The following PRELID2 variants were observed in gnomAD, a reference collection of about 807,000 sequenced individuals.
The protein encoded by PRELID2 is PRELI domain-containing protein 2.
In PRELID2, 25 loss-of-function variants were observed where a neutral mutation model predicts 28.4. The observed-to-expected ratio is 0.88, with a 90% CI of 0.64 to 1.23. The LOEUF (loss-of-function observed/expected upper bound fraction) is 1.23, where lower values mean the gene tolerates loss of function less well. Among genes scored for constraint, PRELID2 ranks in the 50% most tolerant of loss-of-function variants. The pLI is 0.00. For missense variants in PRELID2, 201 were observed against 214.4 expected (o/e 0.94, Z 0.39); for synonymous variants, 76 against 71.6 (o/e 1.06, Z -0.31).
At chr5:145,577,112 T>C (rs1306073217) in intron 1 of PRELID2, among the ~76,000 whole-genome samples, 1 of 152,096 alleles carries the variant, frequency 6.6e-6, no homozygotes, top group East Asian at 1.9e-4. Context: ...TTACAGAGCA[T>C]CTCAGACAAA....
intron 1 of PRELID2, among the ~76,000 whole-genome samples, chr5:145,741,651 AAT>A (rs1479674689): frequency 4.2e-5 from 1 of 23,682 alleles, no homozygotes; most frequent in Non-Finnish European, 9.3e-5. Flanking sequence ...TTTATATATA[AAT>A]AATTTATTTA....
At chr5:145,297,581 C>A in the PRELID2 span, among the ~76,000 whole-genome samples, 1 of 152,024 alleles carries the variant, frequency 6.6e-6, no homozygotes, top group African/African-American at 2.4e-5. Flanking sequence ...CCCTCTCTCA[C>A]CACTCCTATT....
At chr5:145,550,851 G>T (rs997672227) in intron 1 of PRELID2, among the ~76,000 whole-genome samples, 4 of 151,928 alleles carry the variant, frequency 2.6e-5, no homozygotes, top group African/African-American at 9.7e-5. Context: ...TTTCTTAAAA[G>T]AATATTAACA....
intron 1 of PRELID2, among the ~76,000 whole-genome samples, chr5:145,584,693 C>T (rs1228695606): frequency 1.3e-5 from 2 of 152,118 alleles, no homozygotes; most frequent in African/African-American, 4.8e-5. Context: ...AGCTCAACAT[C>T]ACTGATCATT....
At chr5:145,293,823 G>C in the PRELID2 span, among the ~76,000 whole-genome samples, 2 of 152,154 alleles carry the variant, frequency 1.3e-5, no homozygotes, top group African/African-American at 2.4e-5. Flanking sequence ...CAGATGCTGG[G>C]ATTAATGTTA....
Position 145,781,774 on chromosome 5 carries a change from A to ATATG in PRELID2, c.474+14667_474+14668insCATA, listed in dbSNP as rs200284317. Among the ~76,000 whole-genome samples, 1,083 of 147,690 alleles carry ATATG rather than the reference A, an allele frequency of 7.3e-3. 32 individuals are homozygous for ATATG. Among genetic ancestry groups the ATATG allele is most frequent in the Admixed American group, 0.04 (590 of 14,648 alleles). ...CTATATATATACACTATATATATAT[A>ATATG]TATACTATATCTATATACACACATA... On this transcript the variant is annotated intron_variant, in intron 5 of 6. Coordinates refer to ENST00000683046, the MANE Select transcript of PRELID2 (RefSeq NM_205846.3).
the PRELID2 span, among the ~76,000 whole-genome samples, chr5:145,324,266 C>G: frequency 6.6e-6 from 1 of 152,134 alleles, no homozygotes; most frequent in East Asian, 1.9e-4. Flanking sequence ...CCTTTCCTTT[C>G]ACAACTCCCA....
intron 1 of PRELID2, among the ~76,000 whole-genome samples, chr5:145,619,746 C>T (rs111851967): frequency 3.7e-4 from 57 of 152,168 alleles, no homozygotes; most frequent in African/African-American, 1.3e-3. Flanking sequence ...CCTCAACATC[C>T]GACAATTCAA....
chr5:145,377,168 G>T, the PRELID2 span, among the ~76,000 whole-genome samples: 4 of 152,112 alleles, frequency 2.6e-5, no homozygotes, highest in Admixed American at 2.0e-4. Context: ...TCAAGAGAAG[G>T]TTATTCAATT....
At chr5:145,797,437 T>C (rs191563955) in intron 4 of PRELID2, among the ~76,000 whole-genome samples, 208 of 152,174 alleles carry the variant, frequency 1.4e-3, no homozygotes, top group African/African-American at 4.9e-3. Flanking sequence ...TCTCCCTCAG[T>C]AGGGATAGAA....
the PRELID2 span, among the ~76,000 whole-genome samples, chr5:145,250,300 T>A: frequency 6.6e-6 from 1 of 152,090 alleles, no homozygotes; most frequent in Non-Finnish European, 1.5e-5. Context: ...TATATCTGAG[T>A]TGATGAGTAT....
intron 1 of PRELID2, among the ~76,000 whole-genome samples, chr5:145,702,296 C>A (rs17103639): frequency 0.079 from 12,014 of 152,154 alleles, 714 homozygotes; most frequent in Admixed American, 0.19. Flanking sequence ...CAAATCTAGT[C>A]ATCACACAGA....
At chr5:145,606,989 G>A (rs1753514785) in intron 1 of PRELID2, among the ~76,000 whole-genome samples, 1 of 152,076 alleles carries the variant, frequency 6.6e-6, no homozygotes, top group Non-Finnish European at 1.5e-5. Flanking sequence ...ATGATTCCAG[G>A]AATGTACCAT....
At chr5:145,284,213 G>A in the PRELID2 span, among the ~76,000 whole-genome samples, 3 of 152,166 alleles carry the variant, frequency 2.0e-5, no homozygotes, top group Non-Finnish European at 4.4e-5. Flanking sequence ...GAATGCTAAT[G>A]CTATAAAATT....
chr5:145,314,733 C>T, the PRELID2 span, among the ~76,000 whole-genome samples: 1 of 151,894 alleles, frequency 6.6e-6, no homozygotes, highest in East Asian at 1.9e-4. Context: ...TCCCTGGGCA[C>T]TATAAATTAA....
intron 1 of PRELID2, among the ~76,000 whole-genome samples, chr5:145,824,463 T>TGTGTGTGAGA (rs373555427): frequency 5.8e-4 from 83 of 143,652 alleles, no homozygotes; most frequent in Admixed American, 9.8e-4. Context: ...TGTGTGTGTG[T>TGTGTGTGAGA]GATATTGATT....
intron 1 of PRELID2, among the ~76,000 whole-genome samples, chr5:145,619,553 T>C (rs982266349): frequency 1.3e-5 from 2 of 152,162 alleles, no homozygotes; most frequent in African/African-American, 2.4e-5. Flanking sequence ...GTATTTGGGG[T>C]GTCTCCCAGG....
chr5:145,825,248 A>AAAC, intron 1 of PRELID2, among the ~76,000 whole-genome samples: 1 of 147,798 alleles, frequency 6.8e-6, no homozygotes, highest in Admixed American at 6.8e-5. Flanking sequence ...AAAAAAAAAA[A>AAAC]AAAAAAAAAA....
chr5:145,444,715 G>A, the PRELID2 span, among the ~76,000 whole-genome samples: 2 of 151,958 alleles, frequency 1.3e-5, no homozygotes, highest in Non-Finnish European at 2.9e-5. Flanking sequence ...CACAATGAGA[G>A]AGAAGGTTAC....
Sources: allele counts gnomAD v4.1 joint callset (sites outside exome capture counted in the v4.1 genomes callset), GRCh38; gene constraint gnomAD v4.1.1; transcripts MANE v1.5; gene names NCBI Gene and HGNC (gene_info 2026-07-23, HGNC 2026-07-21).